KCNH8: variants seen among roughly 807,000 people sequenced by gnomAD.
KCNH8 encodes potassium voltage-gated channel subfamily H member 8.
KCNH8 carries 70 observed loss-of-function variants against 103.6 expected under a neutral mutation model. That is an observed-to-expected ratio of 0.68 (90% CI 0.56 to 0.82). The LOEUF (loss-of-function observed/expected upper bound fraction) is 0.82. Ranked by LOEUF, KCNH8 falls within the 40% of genes least tolerant of loss-of-function variation. The pLI is 0.00. For missense variants in KCNH8, 1,217 were observed against 1,329.9 expected (o/e 0.92, Z 1.32); for synonymous variants, 498 against 489.4 (o/e 1.02, Z -0.23).
intron 2 of KCNH8, among the ~76,000 whole-genome samples, chr3:19,276,154 C>T (rs1303509631): frequency 6.7e-6 from 1 of 149,686 alleles, no homozygotes; most frequent in African/African-American, 2.5e-5. Flanking sequence ...GCTCTTTCCC[C>T]ACTCCCACCC....
At position 19,347,991 on chromosome 3, in the gene KCNH8, C is replaced by T. The variant is rs187615178; in HGVS notation, c.811+26C>T. On this transcript the variant is annotated intron_variant, in intron 5 of 15. Transcript: ENST00000328405. ...GTAAGAACAAACAGCTGCTTTCCTACGATATTTGCATATGAGAAGTGAAGT... is the reference window on the plus strand; with the variant it reads ...GTAAGAACAAACAGCTGCTTTCCTATGATATTTGCATATGAGAAGTGAAGT... The T allele has an allele frequency of 1.8e-4, 294 of 1,606,154 alleles. 1 individual carries two copies. In the African/African-American group the frequency reaches 1.9e-3, roughly 10 times the overall value.
At chr3:19,407,461 C>T (rs1378798242) in intron 7 of KCNH8, among the ~76,000 whole-genome samples, 1 of 151,990 alleles carries the variant, frequency 6.6e-6, no homozygotes, top group Non-Finnish European at 1.5e-5. Context: ...ACGCAGATCT[C>T]CAGTAAGTTG....
At chr3:19,328,985 G>A (rs1186809918) in intron 3 of KCNH8, among the ~76,000 whole-genome samples, 2 of 152,092 alleles carry the variant, frequency 1.3e-5, no homozygotes, top group African/African-American at 2.4e-5. Context: ...CAATCCATTA[G>A]AGATTTTATA....
intron 1 of KCNH8, among the ~76,000 whole-genome samples, chr3:19,198,693 C>G (rs779235790): frequency 1.3e-5 from 2 of 151,700 alleles, no homozygotes; most frequent in African/African-American, 4.9e-5. Flanking sequence ...TTCCAAACAA[C>G]CATTATAACA....
chr3:19,457,273 G>C (rs1287212249), intron 11 of KCNH8, among the ~76,000 whole-genome samples: 2 of 151,820 alleles, frequency 1.3e-5, no homozygotes, highest in East Asian at 3.9e-4. Flanking sequence ...TATAACATTA[G>C]GTAGAGATGT....
Position 19,490,225 on chromosome 3 carries a change from CA to C in KCNH8, c.2041-20137del, listed in dbSNP as rs541073107. On this transcript the variant is annotated intron_variant, in intron 11 of 15. Coordinates refer to ENST00000328405, the MANE Select transcript of KCNH8 (RefSeq NM_144633.3). ...ATCACCTGCTTCCTGGTCAGGAAAC[CA>C]CGAAATGTAGCAGGATGAGCTGCAG... Among the ~76,000 whole-genome samples, 543 of 152,310 alleles carry C rather than the reference CA, an allele frequency of 3.6e-3. 4 individuals carry two copies. The highest frequency in any genetic ancestry group is 5.7e-3 in the Non-Finnish European group (390 of 68,032).
At chr3:19,521,815 T>C (rs1004553349) in intron 15 of KCNH8, among the ~76,000 whole-genome samples, 4 of 151,960 alleles carry the variant, frequency 2.6e-5, no homozygotes, top group African/African-American at 4.8e-5. Flanking sequence ...GTAAGACTTA[T>C]GGATTGAGTA....
chr3:19,479,376 TATC>T (rs1257327838), intron 11 of KCNH8, among the ~76,000 whole-genome samples: 3 of 152,286 alleles, frequency 2.0e-5, no homozygotes, highest in East Asian at 1.9e-4. Context: ...AATGTTAAAA[TATC>T]ATCAGTTCTT....
intron 1 of KCNH8, among the ~76,000 whole-genome samples, chr3:19,167,411 T>A (rs2063296463): frequency 6.6e-6 from 1 of 152,216 alleles, no homozygotes. Context: ...TAAATGTGAA[T>A]CATTTTATAA....
At chr3:19,404,213 C>CTGGAGATGGAATTT (rs1385052297) in intron 7 of KCNH8, among the ~76,000 whole-genome samples, 1 of 151,952 alleles carries the variant, frequency 6.6e-6, no homozygotes, top group Non-Finnish European at 1.5e-5. Context: ...CTTCCATCTT[C>CTGGAGATGGAATTT]TAGCTGGAGA....
chr3:19,193,898 T>C (rs1175761730), intron 1 of KCNH8, among the ~76,000 whole-genome samples: 1 of 151,734 alleles, frequency 6.6e-6, no homozygotes, highest in Non-Finnish European at 1.5e-5. Context: ...GGTGTGAATG[T>C]TTTTTTGTAA....
chr3:19,500,946 T>C (rs777120099), intron 11 of KCNH8, among the ~76,000 whole-genome samples: 21 of 151,650 alleles, frequency 1.4e-4, no homozygotes, highest in Non-Finnish European at 1.9e-4. Flanking sequence ...CTGAAGGAAA[T>C]AGAGACACAA....
intron 1 of KCNH8, among the ~76,000 whole-genome samples, chr3:19,150,499 C>T (rs573755400): frequency 6.6e-6 from 1 of 152,108 alleles, no homozygotes; most frequent in Non-Finnish European, 1.5e-5. Context: ...AGTGAATCAT[C>T]CCAGCACAGC....
At chr3:19,264,998 C>T (rs992587091) in intron 2 of KCNH8, among the ~76,000 whole-genome samples, 2 of 152,100 alleles carry the variant, frequency 1.3e-5, no homozygotes, top group African/African-American at 4.8e-5. Flanking sequence ...ACTCCCTCAC[C>T]TGCCCTTAGT....
At chr3:19,419,138 C>T (rs559677804) in intron 7 of KCNH8, among the ~76,000 whole-genome samples, 2 of 144,730 alleles carry the variant, frequency 1.4e-5, no homozygotes, top group East Asian at 4.1e-4. Context: ...TGGCTGTTTG[C>T]TTTGTATTTA....
At chr3:19,461,021 C>T (rs1456105641) in intron 11 of KCNH8, among the ~76,000 whole-genome samples, 1 of 152,148 alleles carries the variant, frequency 6.6e-6, no homozygotes, top group Non-Finnish European at 1.5e-5. Flanking sequence ...ATAAATTACC[C>T]AGTCTCAGGT....
intron 1 of KCNH8, among the ~76,000 whole-genome samples, chr3:19,154,678 G>A (rs2063163350): frequency 6.6e-6 from 1 of 152,202 alleles, no homozygotes; most frequent in South Asian, 2.1e-4. Context: ...TCTTAAGGAA[G>A]TGATAGATTT....
At chr3:19,218,308 A>G (rs1013745675) in intron 1 of KCNH8, among the ~76,000 whole-genome samples, 2 of 152,198 alleles carry the variant, frequency 1.3e-5, no homozygotes, top group African/African-American at 4.8e-5. Context: ...CCGTCTTAGT[A>G]CTTGTCCCTG....
At chr3:19,468,428 G>A (rs1315810064) in intron 11 of KCNH8, among the ~76,000 whole-genome samples, 2 of 152,178 alleles carry the variant, frequency 1.3e-5, no homozygotes, top group African/African-American at 2.4e-5. Context: ...GATTATATCT[G>A]TTAGACATAG....
Sources: allele counts gnomAD v4.1 joint callset (sites outside exome capture counted in the v4.1 genomes callset), GRCh38; gene constraint gnomAD v4.1.1; transcripts MANE v1.5; gene names NCBI Gene and HGNC (gene_info 2026-07-23, HGNC 2026-07-21).